ZCWPW2: variants seen among roughly 807,000 people sequenced by gnomAD.
The protein encoded by ZCWPW2 is zinc finger CW-type PWWP domain protein 2.
ZCWPW2 carries 45 observed loss-of-function variants against 46.6 expected under a neutral mutation model. The observed-to-expected ratio is 0.96, with a 90% CI of 0.76 to 1.24. The LOEUF (loss-of-function observed/expected upper bound fraction) is 1.24, where lower values mean the gene tolerates loss of function less well. ZCWPW2 is among the 50% of genes most tolerant of loss of function. The pLI, the probability that ZCWPW2 is intolerant of heterozygous loss-of-function variation, is 0.00. For missense variants in ZCWPW2, 429 were observed against 403.9 expected, an observed-to-expected ratio of 1.06 and a Z score of -0.53; for synonymous variants, 152 against 137.1, an observed-to-expected ratio of 1.11 and a Z score of -0.76.
chr3:28,484,556 G>T (rs376396958), intron 5 of ZCWPW2, among the ~76,000 whole-genome samples: 28 of 152,234 alleles, frequency 1.8e-4, no homozygotes, highest in African/African-American at 6.3e-4. Context: ...TATAAAATTT[G>T]TGGGCATAGA....
chr3:28,518,335 T>C (rs375885801), intron 8 of ZCWPW2, among the ~76,000 whole-genome samples: 1 of 152,072 alleles, frequency 6.6e-6, no homozygotes, highest in Admixed American at 6.6e-5. Flanking sequence ...TGATTGGTCA[T>C]GCAATCAGCA....
At chr3:28,447,626 A>G in intron 4 of ZCWPW2, 2 of 292,238 alleles carry the variant, frequency 6.8e-6, no homozygotes, top group Non-Finnish European at 6.9e-6. Context: ...TCACCATTCT[A>G]TTCAACATAG....
chr3:28,410,161 A>G (rs1696343592), intron 2 of ZCWPW2, among the ~76,000 whole-genome samples: 1 of 152,126 alleles, frequency 6.6e-6, no homozygotes, highest in African/African-American at 2.4e-5. Flanking sequence ...GGAAGAATTC[A>G]CCAACAAGAT....
At chr3:28,362,630 G>A (rs1298905663) in intron 1 of ZCWPW2, among the ~76,000 whole-genome samples, 6 of 152,174 alleles carry the variant, frequency 3.9e-5, no homozygotes, top group Non-Finnish European at 1.5e-5. Context: ...TGGTGGGAGT[G>A]TAAATTAGTT....
rs150350748 is a variant in ZCWPW2 at position 28,495,370 on chromosome 3, A to T, written c.657+3197A>T. ...ATATGTGAAGTAGTGCAGTATTGTT[A>T]ATGTGGATAGGTTTATTTCAATCTT... On this transcript the variant is annotated intron_variant, in intron 6 of 9. Coordinates refer to ENST00000383768, the MANE Select transcript of ZCWPW2 (RefSeq NM_001040432.4). 4.1e-4 allele frequency among the ~76,000 whole-genome samples: 63 copies of T among 152,218 alleles called. 1 individual carries two copies. In the East Asian group the frequency reaches 0.011, roughly 26 times the overall value.
chr3:28,370,528 A>G (rs1705292218), intron 1 of ZCWPW2, among the ~76,000 whole-genome samples: 2 of 152,222 alleles, frequency 1.3e-5, no homozygotes, highest in South Asian at 4.1e-4. Context: ...AAATAAAACT[A>G]TTAGAAGTCA....
intron 2 of ZCWPW2, among the ~76,000 whole-genome samples, chr3:28,406,651 T>C (rs971038285): frequency 3.9e-5 from 6 of 152,040 alleles, no homozygotes; most frequent in African/African-American, 1.2e-4. Context: ...TCCTCTTTGC[T>C]TCCAGGATAA....
chr3:28,490,143 G>A (rs1699756559), intron 5 of ZCWPW2, among the ~76,000 whole-genome samples: 1 of 152,038 alleles, frequency 6.6e-6, no homozygotes, highest in South Asian at 2.1e-4. Flanking sequence ...CAGTCAGAAT[G>A]GTTATTAATA....
chr3:28,404,165 CA>C (rs1696059988), intron 2 of ZCWPW2, among the ~76,000 whole-genome samples: 1 of 151,458 alleles, frequency 6.6e-6, no homozygotes, highest in Non-Finnish European at 1.5e-5. Flanking sequence ...CCAGAATCTA[CA>C]ATGAACTCAA....
At chr3:28,478,310 C>T (rs767594567) in intron 4 of ZCWPW2, 2 of 326,580 alleles carry the variant, frequency 6.1e-6, no homozygotes, top group South Asian at 2.3e-5. Flanking sequence ...GTGGCACAAT[C>T]TCGCATCACT....
In ZCWPW2 at chr3:28,421,044, T is replaced by C. The variant is rs1696761609; in HGVS notation, c.332+7644T>C. Among the ~76,000 whole-genome samples, 3 of 152,214 alleles carry C rather than the reference T, an allele frequency of 2.0e-5. No individual in the cohort carries two copies. The South Asian group carries it at 6.2e-4, about 31-fold the overall frequency. ...TATTCTTTTCATTTTGGATCTTATT[T>C]AAACCTATTTAGCAGGCTGCTTTTG... On this transcript the variant is annotated intron_variant, in intron 3 of 9. Coordinates refer to ENST00000383768, the MANE Select transcript of ZCWPW2 (RefSeq NM_001040432.4).
chr3:28,510,905 A>C (rs1700409030), intron 6 of ZCWPW2: 1 of 346,462 alleles, frequency 2.9e-6, no homozygotes, highest in Admixed American at 3.6e-5. Context: ...ACTGAGGATT[A>C]GTAGGGAATG....
At chr3:28,403,861 A>T (rs148821403) in intron 2 of ZCWPW2, among the ~76,000 whole-genome samples, 38 of 152,344 alleles carry the variant, frequency 2.5e-4, no homozygotes, top group African/African-American at 8.4e-4. Context: ...ATGAAACTGG[A>T]TCCTCATCTC....
chr3:28,434,436 T>C (rs1203795849), intron 3 of ZCWPW2, among the ~76,000 whole-genome samples: 1 of 152,200 alleles, frequency 6.6e-6, no homozygotes, highest in Non-Finnish European at 1.5e-5. Flanking sequence ...TATCAATAAA[T>C]TTGTAGAGGT....
At chr3:28,426,126 T>C (rs981437923) in intron 3 of ZCWPW2, among the ~76,000 whole-genome samples, 4 of 150,296 alleles carry the variant, frequency 2.7e-5, no homozygotes, top group Admixed American at 6.7e-5. Context: ...AAATTATATT[T>C]ATATATATAT....
At position 28,417,292 on chromosome 3, in the gene ZCWPW2, A is replaced by G. The variant is rs543913751; in HGVS notation, c.332+3892A>G. The stretch of plus-strand genomic sequence containing the variant: ...GAAATGGATAAATTCCTTGACACAT[A>G]CACCCTCCCAAGACTAAACAAGATA... On this transcript the variant is annotated intron_variant, in intron 3 of 9. Coordinates refer to ENST00000383768, the MANE Select transcript of ZCWPW2 (RefSeq NM_001040432.4). Among the ~76,000 whole-genome samples the G allele has an allele frequency of 2.0e-4, 31 of 152,242 alleles. No individual in the cohort carries two copies. The South Asian group carries it at 6.2e-3, about 31-fold the overall frequency.
intron 2 of ZCWPW2, among the ~76,000 whole-genome samples, chr3:28,400,751 G>A (rs1002715926): frequency 2.6e-5 from 4 of 152,096 alleles, no homozygotes; most frequent in East Asian, 3.9e-4. Flanking sequence ...AAGATAATTC[G>A]CCACTACCAA....
At chr3:28,423,436 G>C (rs1490409816) in intron 3 of ZCWPW2, among the ~76,000 whole-genome samples, 1 of 147,784 alleles carries the variant, frequency 6.8e-6, no homozygotes, top group African/African-American at 2.5e-5. Flanking sequence ...GTGCGATCTA[G>C]GCTCACTGCA....
chr3:28,370,699 G>T (rs2125701646), intron 1 of ZCWPW2, among the ~76,000 whole-genome samples: 1 of 152,216 alleles, frequency 6.6e-6, no homozygotes, highest in South Asian at 2.1e-4. Flanking sequence ...TATAATTCAT[G>T]AACTTACTCT....
Sources: gnomAD v4.1 joint callset for allele counts (sites outside exome capture counted in the v4.1 genomes callset) on GRCh38, gnomAD v4.1.1 for gene constraint, MANE v1.5 for transcripts, NCBI Gene and HGNC (gene_info 2026-07-23, HGNC 2026-07-21) for gene names.